NFATC2IP: variants seen among roughly 807,000 people sequenced by gnomAD.
NFATC2IP encodes nuclear factor of activated T cells 2 interacting protein.
NFATC2IP carries 25 observed loss-of-function variants against 40.2 expected under a neutral mutation model. The observed-to-expected ratio is 0.62, with a 90% CI of 0.45 to 0.87. NFATC2IP has a LOEUF of 0.87. Ranked by LOEUF, NFATC2IP falls within the 40% of genes least tolerant of loss-of-function variation. The pLI is 0.00. For missense variants in NFATC2IP, 553 were observed against 555.6 expected (o/e 1.00, Z 0.05); for synonymous variants, 241 against 236.3 (o/e 1.02, Z -0.18).
chr16:28,954,739 G>T, intron 3 of NFATC2IP, 57 bp downstream of exon 3: 1 of 1,058,032 alleles, frequency 9.5e-7, no homozygotes, highest in Non-Finnish European at 1.5e-6. Flanking sequence ...GGAGGGGTAA[G>T]CGGAGGCAGG....
Position 28,951,049 on chromosome 16 carries a change from G to T in NFATC2IP, c.38G>T (p.Gly13Val). 1.3e-6 allele frequency: 2 copies of T among 1,544,936 alleles called. No individual in the cohort carries two copies. Among genetic ancestry groups the T allele is most frequent in the Non-Finnish European group, 1.7e-6 (2 of 1,146,750 alleles). Residue 13 changes from glycine to valine, a missense_variant, in exon 1 of 8, where the codon GGA (glycine) becomes GTA (valine). Gly to Val is a moderately radical substitution (Grantham distance 109). Coordinates refer to ENST00000320805, the MANE Select transcript of NFATC2IP (RefSeq NM_032815.4). ...GTGGGGAAGCGGGGCCGCTGGTCCG[G>T]AGGTAGCGGTGCCGGCCGAGGGGGT... ...EPVGKRGRWS[G>V]GSGAGRGGRG...
chr16:28,963,589 A>G, intron 7 of NFATC2IP, 116 bp from the exon 8 acceptor site: 1 of 860,188 alleles, frequency 1.2e-6, no homozygotes. Context: ...TGGGGCCCTG[A>G]CTTTATTGTT....
In NFATC2IP at chr16:28,951,082, G is replaced by A. The variant is rs1964959711; in HGVS notation, c.71G>A (p.Gly24Asp). The A allele has an allele frequency of 1.3e-6, 2 of 1,543,522 alleles. No homozygotes were observed. The highest frequency in any genetic ancestry group is 1.4e-5 in the African/African-American group (1 of 72,398). Residue 24 changes from glycine to aspartate, a missense_variant, in exon 1 of 8, where the codon GGC becomes GAC. Physicochemically the swap from Gly to Asp is moderately conservative, Grantham distance 94 (BLOSUM62 -1). Transcript: ENST00000320805. ...GSGAGRGGRG[G>D]WGGRGRRPRA... ...GGTGCCGGCCGAGGGGGTCGGGGCGGCTGGGGCGGTCGGGGCCGGCGTCCT... is the reference window on the plus strand; with the variant it reads ...GGTGCCGGCCGAGGGGGTCGGGGCGACTGGGGCGGTCGGGGCCGGCGTCCT...
intron 2 of NFATC2IP, among the ~76,000 whole-genome samples, chr16:28,953,016 G>A (rs904562256): frequency 6.6e-5 from 10 of 152,128 alleles, no homozygotes; most frequent in Non-Finnish European, 1.2e-4. Flanking sequence ...GATTACAGGC[G>A]TGAGCCACTG....
At chr16:28,955,044 A>G (rs1374416321) in intron 3 of NFATC2IP, among the ~76,000 whole-genome samples, 4 of 152,094 alleles carry the variant, frequency 2.6e-5, no homozygotes, top group African/African-American at 9.7e-5. Flanking sequence ...ATAAAAAAAA[A>G]TTAGCCTGGC....
intron 2 of NFATC2IP, among the ~76,000 whole-genome samples, chr16:28,953,548 G>A (rs993195038): frequency 3.3e-5 from 5 of 152,280 alleles, no homozygotes; most frequent in East Asian, 1.9e-4. Context: ...GAAGTGCTAC[G>A]TAAAAGGTAC....
rs1007985199 is a variant in NFATC2IP at position 28,964,155 on chromosome 16, C to T, written c.*292C>T. 8 of 369,846 alleles carry T rather than the reference C, an allele frequency of 2.2e-5. No homozygotes were observed. The highest frequency in any genetic ancestry group is 4.0e-5 in the African/African-American group (2 of 49,606). The allele number at this position is 369,846 out of a possible 1,614,324, so 22.9% of individuals were successfully genotyped here. A position where few individuals can be genotyped will look rare whatever the true frequency, so the allele number is the denominator to read the frequency against. On this transcript the variant is annotated 3_prime_UTR_variant, in exon 8 of 8. Transcript: ENST00000320805. The stretch of plus-strand genomic sequence containing the variant: ...CCCTTCACCCCTCCCCTTTCACCAC[C>T]ATCCTCTTTTCCTCATGGAAATGTC...
At position 28,964,524 on chromosome 16, in the gene NFATC2IP, T is replaced by A; in HGVS notation, c.*661T>A. On this transcript the variant is annotated 3_prime_UTR_variant, in exon 8 of 8. Transcript: ENST00000320805. ...TTTCCTGGTGCACACATTTAAGGCA[T>A]AACAGCACATTCATCCCTTTGGTTT... 6.6e-6 allele frequency: 1 copy of A among 152,412 alleles called. No individual in the cohort carries two copies. The allele number at this position is 152,412 out of a possible 1,614,324, so 9.4% of individuals were successfully genotyped here. A position where few individuals can be genotyped will look rare whatever the true frequency, so the allele number is the denominator to read the frequency against.
At position 28,963,763 on chromosome 16, in the gene NFATC2IP, G is replaced by A. The variant is rs748324737; in HGVS notation, c.1160G>A (p.Arg387Gln). 12 of 1,614,116 alleles carry A rather than the reference G, an allele frequency of 7.4e-6. 1 individual carries two copies. The highest frequency in any genetic ancestry group is 6.6e-5 in the South Asian group (6 of 91,080). ...HYEEAMGLSGRKLSFFFDGTK... is the reference protein window; with the variant it reads ...HYEEAMGLSGQKLSFFFDGTK... ...GAGGAGGCCATGGGACTGTCGGGAC[G>A]GAAGCTCTCCTTCTTCTTTGATGGG... is the stretch of plus-strand genomic sequence containing the variant. Residue 387 changes from arginine (R) to glutamine (Q), a missense_variant, in exon 8 of 8, where the codon CGG becomes CAG. Arg to Gln is a conservative substitution (Grantham distance 43). Transcript: ENST00000320805.
chr16:28,960,327 T>C (rs1487323869), intron 7 of NFATC2IP, among the ~76,000 whole-genome samples: 1 of 152,186 alleles, frequency 6.6e-6, no homozygotes, highest in Non-Finnish European at 1.5e-5. Flanking sequence ...CACACTGTTC[T>C]CTAGCCCCCA....
At position 28,963,693 on chromosome 16, in the gene NFATC2IP, G is replaced by T; in HGVS notation, c.1102-12G>T. ...CATGTTCTGACGTCCATTTTCTTTT[G>T]TCTCCATCCAGGATTCCCCTCTAAA... On this transcript the variant is annotated splice_polypyrimidine_tract_variant and intron_variant, in intron 7 of 7. Transcript: ENST00000320805. 6.2e-7 allele frequency: 1 copy of T among 1,612,598 alleles called. No individual in the cohort carries two copies. The highest frequency in any genetic ancestry group is 1.1e-5 in the South Asian group (1 of 91,048).
In NFATC2IP at chr16:28,951,379, T is replaced by G; in HGVS notation, c.368T>G (p.Val123Gly). The change falls in exon 1 of 8, where the codon GTT (valine) becomes GGT (glycine). Residue 123 changes from valine (V) to glycine (G), a missense_variant. By Grantham distance (109) the Val-to-Gly change is moderately radical (BLOSUM62 -3). Transcript: ENST00000320805. ...CTGGATCCGGGGGAGGCGCCGCTGG[T>G]TCCGGTGTACTCGGGGAAGGTGCGC... ...LVLDPGEAPL[V>G]PVYSGKVKSS... 7.1e-7 allele frequency: 1 copy of G among 1,402,996 alleles called. No individual in the cohort carries two copies. The highest frequency in any genetic ancestry group is 9.3e-7 in the Non-Finnish European group (1 of 1,080,662). 86.9% of individuals were successfully genotyped at this position (1,402,996 alleles called of 1,614,324 possible).
Position 28,963,888 on chromosome 16 carries a change from C to T in NFATC2IP, c.*25C>T. 4 of 1,611,632 alleles carry T rather than the reference C, an allele frequency of 2.5e-6. No homozygotes were observed. Among genetic ancestry groups the T allele is most frequent in the South Asian group, 1.1e-5 (1 of 91,024 alleles). On this transcript the variant is annotated 3_prime_UTR_variant, in exon 8 of 8. Transcript: ENST00000320805. ...ACACCCCACTCCCTGTTTGACGGCC[C>T]AGCCTGGACTTGGGGAGAATGACTT...
chr16:28,966,081 G>A lies in NFATC2IP; in HGVS notation c.*2218G>A, dbSNP rs1422131706. On this transcript the variant is annotated 3_prime_UTR_variant, in exon 8 of 8. Transcript: ENST00000320805. ...AAAAAAAGAAAATTTTAATTTTAAT[G>A]TAGACAGTATGAATTATCTTGTTCT... 1 of 152,054 alleles carries A rather than the reference G, an allele frequency of 6.6e-6. No individual in the cohort carries two copies. The highest frequency in any genetic ancestry group is 1.5e-5 in the Non-Finnish European group (1 of 68,008). 9.4% of individuals were successfully genotyped at this position (152,054 alleles called of 1,614,324 possible). A position where few individuals can be genotyped will look rare whatever the true frequency, so the allele number is the denominator to read the frequency against.
Position 28,952,019 on chromosome 16 carries a change from A to G in NFATC2IP, c.388-113A>G. On this transcript the variant is annotated intron_variant, in intron 1 of 7. Coordinates refer to ENST00000320805, the MANE Select transcript of NFATC2IP (RefSeq NM_032815.4). ...TTGCCAGGAGAGGGCCAAGGTGTCC[A>G]CGATCTTAGGGAGGATTTGGGAGCT... is the stretch of plus-strand genomic sequence containing the variant. 7 of 1,454,132 alleles carry G rather than the reference A, an allele frequency of 4.8e-6. No homozygotes were observed. In the South Asian group the frequency reaches 7.6e-5, roughly 16 times the overall value. The allele number at this position is 1,454,132 out of a possible 1,614,324, so 90.1% of individuals were successfully genotyped here.
In NFATC2IP at chr16:28,958,803, A is replaced by G; in HGVS notation, c.933A>G (p.Thr311=). The part of the protein sequence containing the change: ...PSRILLLFGE[T]ELSPTATPRT... ...GGATCCTTTTGCTTTTTGGAGAGAC[A>G]GAGCTATCACCTACTGCCACTCCCA... Residue 311 remains threonine (T), a synonymous_variant, in exon 6 of 8, where the codon ACA becomes ACG. Transcript: ENST00000320805. 3 of 1,614,102 alleles carry G rather than the reference A, an allele frequency of 1.9e-6. No individual in the cohort carries two copies. Among genetic ancestry groups the G allele is most frequent in the Non-Finnish European group, 2.5e-6 (3 of 1,179,980 alleles).
In NFATC2IP at chr16:28,964,748, A is replaced by G. The variant is rs896881751; in HGVS notation, c.*885A>G. The G allele has an allele frequency of 5.9e-5, 9 of 152,184 alleles. No homozygotes were observed. Among genetic ancestry groups the G allele is most frequent in the Non-Finnish European group, 1.0e-4 (7 of 68,040 alleles). 9.4% of individuals were successfully genotyped at this position (152,184 alleles called of 1,614,324 possible). The stretch of plus-strand genomic sequence containing the variant: ...ATAGGTCTTATGCTGTTTTCACTCA[A>G]TGTGTGCTAAGATCTAGCCCCATTG... On this transcript the variant is annotated 3_prime_UTR_variant, in exon 8 of 8. Transcript: ENST00000320805.
intron 7 of NFATC2IP, among the ~76,000 whole-genome samples, chr16:28,959,646 C>T (rs1043373027): frequency 2.0e-5 from 3 of 146,550 alleles, no homozygotes; most frequent in African/African-American, 7.5e-5. Flanking sequence ...GATCTTGGCT[C>T]ACTGCAGCCT....
intron 2 of NFATC2IP, 41 bp from the exon 3 acceptor site, chr16:28,954,524 C>T: frequency 7.0e-7 from 1 of 1,431,966 alleles, no homozygotes; most frequent in Non-Finnish European, 9.8e-7. Flanking sequence ...GCTGGCCTCC[C>T]TTGGATAACC....
Sources: gnomAD v4.1 joint callset for allele counts (sites outside exome capture counted in the v4.1 genomes callset) on GRCh38, gnomAD v4.1.1 for gene constraint, MANE v1.5 for transcripts, NCBI Gene and HGNC (gene_info 2026-07-23, HGNC 2026-07-21) for gene names.